The following ZNF829 variants were observed in gnomAD, a reference collection of about 807,000 sequenced individuals.
The protein encoded by ZNF829 is zinc finger protein 829.
A neutral mutation model predicts 35.2 loss-of-function variants in ZNF829; 25 were observed. The ratio of observed to expected loss-of-function variants is 0.71; its 90% CI spans 0.52 to 0.99. The LOEUF (loss-of-function observed/expected upper bound fraction) is 0.99, where lower values mean the gene tolerates loss of function less well. ZNF829 is among the 50% of genes least tolerant of loss of function. ZNF829 has a pLI of 0.00. For missense variants in ZNF829, 417 were observed against 515.3 expected (o/e 0.81, Z 1.85); for synonymous variants, 136 against 163.2 (o/e 0.83, Z 1.27).
chr19:36,901,835 C>G, intron 5 of ZNF829: 2 of 724,418 alleles, frequency 2.8e-6, no homozygotes, highest in Non-Finnish European at 5.1e-6. Context: ...TATGCACAAG[C>G]GCATCCATGG....
intron 5 of ZNF829, among the ~76,000 whole-genome samples, chr19:36,903,673 C>T (rs1279694920): frequency 2.0e-5 from 3 of 152,040 alleles, no homozygotes; most frequent in African/African-American, 7.2e-5. Context: ...GGTGGAACAC[C>T]TGAAGTCAGG....
Position 36,907,915 on chromosome 19 carries a change from C to T in ZNF829, c.319+14G>A. 1 of 1,608,462 alleles carries T rather than the reference C, an allele frequency of 6.2e-7. No homozygotes were observed. Among genetic ancestry groups the T allele is most frequent in the South Asian group, 1.1e-5 (1 of 90,940 alleles). ...CTTTATAGCCCTGCTCCTGAGCCAT[C>T]ATCTCTTACTTACCTGAACACAGGC... On this transcript the variant is annotated intron_variant, in intron 5 of 5. Transcript: ENST00000391711.
At chr19:36,914,194 A>G (rs1360875139) in intron 3 of ZNF829, among the ~76,000 whole-genome samples, 1 of 152,204 alleles carries the variant, frequency 6.6e-6, no homozygotes, top group African/African-American at 2.4e-5. Flanking sequence ...TTTATTTAAA[A>G]AGATACAAAA....
At chr19:36,915,405 C>A (rs1379191138) in intron 1 of ZNF829, among the ~76,000 whole-genome samples, 154 bp from the exon 2 acceptor site, 1 of 152,162 alleles carries the variant, frequency 6.6e-6, no homozygotes, top group Non-Finnish European at 1.5e-5. Flanking sequence ...CAGTTACAAT[C>A]ACATACACAC....
intron 3 of ZNF829, chr19:36,913,042 C>T (rs2073277330): frequency 6.6e-6 from 1 of 152,050 alleles, no homozygotes; most frequent in Non-Finnish European, 1.5e-5. Flanking sequence ...ACTACATGTC[C>T]CTAGTTATTC....
intron 5 of ZNF829, among the ~76,000 whole-genome samples, chr19:36,902,644 C>CAAAATAAAAT (rs376999920): frequency 0.014 from 2,087 of 147,472 alleles, 63 homozygotes; most frequent in African/African-American, 0.047. Context: ...GACTCTGTCT[C>CAAAATAAAAT]AAAATAAAAT....
intron 3 of ZNF829, among the ~76,000 whole-genome samples, chr19:36,909,470 A>C (rs2073244848): frequency 6.6e-6 from 1 of 152,178 alleles, no homozygotes. Context: ...TAATGTCTGC[A>C]ACAATGTCTG....
At chr19:36,899,405 A>G (rs950899711) in intron 5 of ZNF829, among the ~76,000 whole-genome samples, 1 of 152,096 alleles carries the variant, frequency 6.6e-6, no homozygotes, top group African/African-American at 2.4e-5. Context: ...TGATCAGGCC[A>G]CTGCACTCCA....
chr19:36,914,736 T>A (rs962200904), intron 3 of ZNF829, among the ~76,000 whole-genome samples: 1 of 152,208 alleles, frequency 6.6e-6, no homozygotes, highest in Admixed American at 6.5e-5. Flanking sequence ...TAACCCTAGT[T>A]ATCTGAGTGG....
chr19:36,902,319 GT>G (rs2050664893), intron 5 of ZNF829, among the ~76,000 whole-genome samples: 1 of 152,138 alleles, frequency 6.6e-6, no homozygotes, highest in South Asian at 2.1e-4. Context: ...GATTTTATCA[GT>G]GCAAAATGTA....
rs760002719 is a variant in ZNF829 at position 36,915,197 on chromosome 19, G to T, written c.-30C>A. On this transcript the variant is annotated 5_prime_UTR_variant, in exon 2 of 6. Transcript: ENST00000391711. ...TCCAATTCCAGTGGCTCAGGGGAAA[G>T]GTTGTGTTCACTGCTGTCCAGGGTT... 1.9e-6 allele frequency: 3 copies of T among 1,614,034 alleles called. No individual in the cohort carries two copies. Among genetic ancestry groups the T allele is most frequent in the East Asian group, 2.2e-5 (1 of 44,884 alleles).
chr19:36,906,314 T>C (rs2073214953), intron 5 of ZNF829: 1 of 152,182 alleles, frequency 6.6e-6, no homozygotes, highest in Admixed American at 6.5e-5. Flanking sequence ...GTGGGAGATA[T>C]TTACATCATG....
At chr19:36,899,686 T>G (rs935194812) in intron 5 of ZNF829, among the ~76,000 whole-genome samples, 11 of 150,906 alleles carry the variant, frequency 7.3e-5, no homozygotes, top group African/African-American at 2.4e-4. Context: ...GCAGGAGGAC[T>G]ATAGTTAGTA....
chr19:36,910,017 A>G (rs2073250393), intron 3 of ZNF829, among the ~76,000 whole-genome samples: 1 of 152,056 alleles, frequency 6.6e-6, no homozygotes, highest in East Asian at 1.9e-4. Flanking sequence ...GTAGCCACCT[A>G]AGGGGAGTAG....
At chr19:36,914,411 T>A (rs1290110716) in intron 3 of ZNF829, among the ~76,000 whole-genome samples, 1 of 152,114 alleles carries the variant, frequency 6.6e-6, no homozygotes, top group African/African-American at 2.4e-5. Context: ...TGAACTGACA[T>A]GTCACAAAAG....
intron 5 of ZNF829, among the ~76,000 whole-genome samples, chr19:36,901,051 T>A (rs1269560638): frequency 6.6e-6 from 1 of 152,126 alleles, no homozygotes; most frequent in Non-Finnish European, 1.5e-5. Context: ...TGAAAGCTTA[T>A]GTCCACACAA....
At chr19:36,907,714 A>G in intron 5 of ZNF829, 1 of 440,238 alleles carries the variant, frequency 2.3e-6, no homozygotes, top group Non-Finnish European at 4.0e-6. Flanking sequence ...TATCATAGGA[A>G]GGAATGAAAC....
rs188812036 is a variant in ZNF829, at chr19:36,904,636, G to C, written c.319+3293C>G. ...GCTGGTTTCGAACTCCTGACCTCAAGTGATCTGCCCGCCTCGGCCTCCCAG... is the reference window on the plus strand; with the variant it reads ...GCTGGTTTCGAACTCCTGACCTCAACTGATCTGCCCGCCTCGGCCTCCCAG... On this transcript the variant is annotated intron_variant, in intron 5 of 5. Transcript: ENST00000391711. Among the ~76,000 whole-genome samples, 1,097 of 152,250 alleles carry C rather than the reference G, an allele frequency of 7.2e-3. 6 individuals are homozygous for C. The highest frequency in any genetic ancestry group is 8.9e-3 in the Non-Finnish European group (606 of 68,014).
chr19:36,899,270 C>CCCG (rs1555726462), intron 5 of ZNF829, among the ~76,000 whole-genome samples: 2 of 151,966 alleles, frequency 1.3e-5, no homozygotes, highest in Admixed American at 6.6e-5. Context: ...GGAGACCCCC[C>CCCG]CCGATCTCTA....
Sources: gnomAD v4.1 joint callset for allele counts (sites outside exome capture counted in the v4.1 genomes callset) on GRCh38, gnomAD v4.1.1 for gene constraint, MANE v1.5 for transcripts, NCBI Gene and HGNC (gene_info 2026-07-23, HGNC 2026-07-21) for gene names.